Variants in SLC16A7 observed in about 807,000 individuals in gnomAD.
The protein encoded by SLC16A7 is monocarboxylate transporter 2.
In SLC16A7, 33 loss-of-function variants were observed where a neutral mutation model predicts 34.9. The ratio of observed to expected loss-of-function variants is 0.94; its 90% CI spans 0.72 to 1.26. SLC16A7 has a LOEUF of 1.26. Ranked by LOEUF, SLC16A7 falls within the 50% of genes most tolerant of loss-of-function variation. The probability of loss-of-function intolerance (pLI) is 0.00; values close to 1 mark genes in which losing one functional copy is unlikely to be tolerated. For synonymous variants in SLC16A7, 201 were observed against 206.6 expected (o/e 0.97, Z 0.23); for missense variants, 573 against 578.1 (o/e 0.99, Z 0.09).
intron 2 of SLC16A7, among the ~76,000 whole-genome samples, chr12:59,685,237 T>G (rs1161436954): frequency 6.6e-6 from 1 of 152,202 alleles, no homozygotes; most frequent in East Asian, 1.9e-4. Flanking sequence ...TCATTATCAG[T>G]GTTTAGTGTT....
chr12:59,624,736 A>AG (rs1879846317), intron 1 of SLC16A7, among the ~76,000 whole-genome samples: 1 of 141,164 alleles, frequency 7.1e-6, no homozygotes, highest in East Asian at 2.3e-4. Context: ...TTGCATTGTT[A>AG]GTTGTGTGTG....
At chr12:59,673,482 G>GTT (rs34956184) in intron 2 of SLC16A7, among the ~76,000 whole-genome samples, 94 of 140,088 alleles carry the variant, frequency 6.7e-4, no homozygotes, top group Middle Eastern at 3.7e-3. Flanking sequence ...CAGCAAACAT[G>GTT]TTTTTTTTTT....
In SLC16A7 at chr12:59,599,513, T is replaced by G. The variant is rs545014291; in HGVS notation, c.-130+3277T>G. ...CAGGAAAAAAAAAGAAGGAAGAAATTAAAAGGGCAGACCATAATGCAGGGG... is the reference window on the plus strand; with the variant it reads ...CAGGAAAAAAAAAGAAGGAAGAAATGAAAAGGGCAGACCATAATGCAGGGG... On this transcript the variant is annotated intron_variant, in intron 1 of 5. Coordinates refer to ENST00000547379, the MANE Select transcript of SLC16A7 (RefSeq NM_001270623.2). 3.9e-5 allele frequency among the ~76,000 whole-genome samples: 6 copies of G among 152,212 alleles called. No individual in the cohort carries two copies. The South Asian group carries it at 1.2e-3, about 32-fold the overall frequency.
At chr12:59,685,232 A>G (rs1041602288) in intron 2 of SLC16A7, among the ~76,000 whole-genome samples, 1 of 152,196 alleles carries the variant, frequency 6.6e-6, no homozygotes, top group South Asian at 2.1e-4. Context: ...CAACTTCATT[A>G]TCAGTGTTTA....
At chr12:59,719,425 A>C (rs1335878807) in intron 3 of SLC16A7, among the ~76,000 whole-genome samples, 3 of 152,080 alleles carry the variant, frequency 2.0e-5, no homozygotes, top group Non-Finnish European at 4.4e-5. Context: ...ATGGGGCCCA[A>C]GAGAAGCTTG....
At chr12:59,699,725 A>G (rs1245843611) in intron 2 of SLC16A7, among the ~76,000 whole-genome samples, 4 of 151,770 alleles carry the variant, frequency 2.6e-5, no homozygotes, top group South Asian at 2.1e-4. Flanking sequence ...GAGTGGTTCC[A>G]TATTTGTAAA....
chr12:59,736,329 TAGGG>T (rs999375680), intron 3 of SLC16A7, among the ~76,000 whole-genome samples: 2 of 151,952 alleles, frequency 1.3e-5, no homozygotes, highest in Non-Finnish European at 2.9e-5. Flanking sequence ...TAATAGAAAA[TAGGG>T]AGGGCTTGAG....
chr12:59,696,271 A>T (rs1656571896), intron 2 of SLC16A7: 1 of 151,974 alleles, frequency 6.6e-6, no homozygotes, highest in African/African-American at 2.4e-5. Context: ...ACGAAGATAT[A>T]TTCAATTTTG....
At chr12:59,761,073 C>A in intron 3 of SLC16A7, 1 of 765,434 alleles carries the variant, frequency 1.3e-6, no homozygotes, top group Non-Finnish European at 1.9e-6. Flanking sequence ...CACGTCTTGA[C>A]AATATGATAT....
At chr12:59,704,199 C>CAAAAAAAAAAAAAA (rs34021022) in intron 2 of SLC16A7, among the ~76,000 whole-genome samples, 4 of 51,612 alleles carry the variant, frequency 7.8e-5, no homozygotes, top group African/African-American at 1.8e-4. Flanking sequence ...GACTCTGTCT[C>CAAAAAAAAAAAAAA]AAAAAAAAAA....
At chr12:59,723,787 A>T (rs1012260409) in intron 3 of SLC16A7, among the ~76,000 whole-genome samples, 1 of 151,974 alleles carries the variant, frequency 6.6e-6, no homozygotes, top group African/African-American at 2.4e-5. Context: ...AAAATCCTTC[A>T]GCTATTTTCT....
At chr12:59,724,311 A>T (rs1229719092) in intron 3 of SLC16A7, among the ~76,000 whole-genome samples, 1 of 152,086 alleles carries the variant, frequency 6.6e-6, no homozygotes, top group African/African-American at 2.4e-5. Context: ...CATATTGGGT[A>T]TCTCCCCTGA....
At chr12:59,643,161 T>C (rs1880758027) in intron 1 of SLC16A7, among the ~76,000 whole-genome samples, 1 of 152,110 alleles carries the variant, frequency 6.6e-6, no homozygotes. Context: ...AACTTTAATA[T>C]TTACTCCAAT....
At chr12:59,763,818 T>C (rs1301251808) in intron 3 of SLC16A7, 1 of 152,128 alleles carries the variant, frequency 6.6e-6, no homozygotes, top group East Asian at 1.9e-4. Context: ...ATATCTGTTA[T>C]GGTTATCTTT....
chr12:59,702,059 C>T (rs1386415021), intron 2 of SLC16A7, among the ~76,000 whole-genome samples: 1 of 151,664 alleles, frequency 6.6e-6, no homozygotes, highest in East Asian at 1.9e-4. Context: ...TTCGGTATTT[C>T]CTCAGTATTC....
At chr12:59,608,404 A>G (rs1028017343) in intron 1 of SLC16A7, among the ~76,000 whole-genome samples, 1 of 152,242 alleles carries the variant, frequency 6.6e-6, no homozygotes, top group South Asian at 2.1e-4. Flanking sequence ...GAAGTGAAAA[A>G]GGGGCAGAAA....
intron 3 of SLC16A7, among the ~76,000 whole-genome samples, chr12:59,723,496 T>C (rs1018577176): frequency 6.6e-6 from 1 of 151,872 alleles, no homozygotes; most frequent in Non-Finnish European, 1.5e-5. Flanking sequence ...TGAATTGCTA[T>C]GGGAGAAGAC....
Position 59,758,361 on chromosome 12 carries a change from C to G in SLC16A7, c.218-12858C>G, listed in dbSNP as rs146414805. ...TTTTCCAGCAGATACTGTATTTTCT[C>G]ATATGCTACTTCCTCTACAAAGGAA... On this transcript the variant is annotated intron_variant, in intron 3 of 5. Coordinates refer to ENST00000547379, the MANE Select transcript of SLC16A7 (RefSeq NM_001270623.2). Among the ~76,000 whole-genome samples the G allele has an allele frequency of 3.9e-5, 6 of 152,028 alleles. No individual in the cohort carries two copies. The South Asian group carries it at 1.2e-3, about 32-fold the overall frequency.
At chr12:59,768,386 G>A in intron 3 of SLC16A7, 2 of 297,688 alleles carry the variant, frequency 6.7e-6, no homozygotes, top group East Asian at 1.7e-4. Context: ...GAGCCTGAAG[G>A]TGTGACTAGA....
Sources: allele counts gnomAD v4.1 joint callset (sites outside exome capture counted in the v4.1 genomes callset), GRCh38; gene constraint gnomAD v4.1.1; transcripts MANE v1.5; gene names NCBI Gene and HGNC (gene_info 2026-07-23, HGNC 2026-07-21).